Variants in NKAIN1 observed in about 807,000 individuals in gnomAD.
NKAIN1 encodes the protein sodium/potassium-transporting ATPase subunit beta-1-interacting protein 1.
NKAIN1 carries 13 observed loss-of-function variants against 31.6 expected under a neutral mutation model. The ratio of observed to expected loss-of-function variants is 0.41; its 90% CI spans 0.27 to 0.65. The LOEUF (loss-of-function observed/expected upper bound fraction) is 0.65, where lower values mean the gene tolerates loss of function less well. Among genes scored for constraint, NKAIN1 ranks in the 30% least tolerant of loss-of-function variants. NKAIN1 has a pLI of 0.30. For synonymous variants in NKAIN1, 104 were observed against 109.0 expected, an observed-to-expected ratio of 0.95 and a Z score of 0.28; for missense variants, 193 against 262.2, an observed-to-expected ratio of 0.74 and a Z score of 1.82.
chr1:31,197,285 G>T (rs1172966500), intron 1 of NKAIN1, among the ~76,000 whole-genome samples: 13 of 151,244 alleles, frequency 8.6e-5, no homozygotes, highest in Non-Finnish European at 1.6e-4. Context: ...CTAATTTTTT[G>T]TATTTTTAGT....
At chr1:31,234,409 C>G (rs1489674028) in intron 1 of NKAIN1, among the ~76,000 whole-genome samples, 1 of 152,102 alleles carries the variant, frequency 6.6e-6, no homozygotes, top group East Asian at 1.9e-4. Context: ...CCATGTTTCA[C>G]ACCATTACTC....
At chr1:31,215,814 G>T (rs746412836) in intron 1 of NKAIN1, among the ~76,000 whole-genome samples, 5 of 152,144 alleles carry the variant, frequency 3.3e-5, no homozygotes, top group African/African-American at 4.8e-5. Context: ...ATGCTAGAAG[G>T]GTTTCTCTTC....
chr1:31,220,531 G>A lies in NKAIN1; in HGVS notation c.54+18963C>T, dbSNP rs1645556217. Reference sequence around the variant, plus strand: ...GCACTTTGGGAAGCCGAGGCCAGTGGACTACCTGAGATCAGGAGTTTGAGA... The same window carrying A: ...GCACTTTGGGAAGCCGAGGCCAGTGAACTACCTGAGATCAGGAGTTTGAGA... On this transcript the variant is annotated intron_variant, in intron 1 of 6. Coordinates refer to ENST00000373736, the MANE Select transcript of NKAIN1 (RefSeq NM_024522.3). Among the ~76,000 whole-genome samples the A allele has an allele frequency of 2.0e-5, 3 of 151,968 alleles. No individual in the cohort carries two copies. The South Asian group carries it at 6.2e-4, about 32-fold the overall frequency.
At chr1:31,184,905 C>T (rs1645230802) in intron 3 of NKAIN1, among the ~76,000 whole-genome samples, 1 of 152,158 alleles carries the variant, frequency 6.6e-6, no homozygotes, top group South Asian at 2.1e-4. Flanking sequence ...ATGGCATTTT[C>T]ACCTCCCTTG....
At chr1:31,223,160 C>T (rs913302076) in intron 1 of NKAIN1, among the ~76,000 whole-genome samples, 11 of 151,882 alleles carry the variant, frequency 7.2e-5, no homozygotes, top group African/African-American at 2.7e-4. Context: ...GTGGATCACC[C>T]GAGGTCAGGA....
intron 1 of NKAIN1, among the ~76,000 whole-genome samples, chr1:31,229,383 C>T (rs1315814642): frequency 6.6e-6 from 1 of 151,868 alleles, no homozygotes; most frequent in African/African-American, 2.4e-5. Flanking sequence ...GCTACATGGG[C>T]ATCTGGGGTG....
rs1018463958 is a variant in NKAIN1 at position 31,233,313 on chromosome 1, C to T, written c.54+6181G>A. Among the ~76,000 whole-genome samples, 3 of 152,128 alleles carry T rather than the reference C, an allele frequency of 2.0e-5. No individual in the cohort carries two copies. Among genetic ancestry groups the T allele is most frequent in the African/African-American group, 7.2e-5 (3 of 41,412 alleles). ...GGGTGGGTAGAATGGGGAGAGGGGG[C>T]ATCTGTGTAAGCAGTTAGATCTGGC... On this transcript the variant is annotated intron_variant, in intron 1 of 6. Transcript: ENST00000373736. This position sits in a 1 kb window ranked among gnomAD's most constrained non-coding sequence, Gnocchi z 4.0.
At chr1:31,181,982 G>A (rs1488137773) in intron 5 of NKAIN1, 41 bp from the exon 6 acceptor site, 10 of 1,568,376 alleles carry the variant, frequency 6.4e-6, no homozygotes, top group Non-Finnish European at 1.7e-6. Flanking sequence ...TCGGCGGCGG[G>A]GGCGAGGAGA....
chr1:31,202,532 C>T (rs547242211), intron 1 of NKAIN1, among the ~76,000 whole-genome samples: 8 of 149,612 alleles, frequency 5.3e-5, no homozygotes, highest in Admixed American at 2.0e-4. Context: ...AAAAAACTAG[C>T]CGGGTGTGGT....
intron 1 of NKAIN1, among the ~76,000 whole-genome samples, chr1:31,208,632 G>A (rs1217340004): frequency 1.3e-5 from 1 of 78,718 alleles, no homozygotes. Flanking sequence ...CACATAGTGG[G>A]GGGAGGGGGC....
rs1049276980 is a variant in NKAIN1, at chr1:31,239,127, C to T, written c.54+367G>A. Among the ~76,000 whole-genome samples, 1 of 152,132 alleles carries T rather than the reference C, an allele frequency of 6.6e-6. No homozygotes were observed. The highest frequency in any genetic ancestry group is 2.4e-5 in the African/African-American group (1 of 41,442). The stretch of plus-strand genomic sequence containing the variant: ...AACGAGGGATCTAGAGGGAAACACA[C>T]AGCAGGACCTCAACGGATCCACAGA... On this transcript the variant is annotated intron_variant, in intron 1 of 6. Coordinates refer to ENST00000373736, the MANE Select transcript of NKAIN1 (RefSeq NM_024522.3). The surrounding 1 kb of genome is among the most constrained non-coding windows in gnomAD (Gnocchi z 4.8).
chr1:31,215,594 T>A (rs10914329), intron 1 of NKAIN1, among the ~76,000 whole-genome samples: 77,796 of 151,918 alleles, frequency 0.51, 21,361 homozygotes, highest in East Asian at 0.78. Context: ...CTGCTCTGAT[T>A]CCTGCAGCAC....
intron 1 of NKAIN1, among the ~76,000 whole-genome samples, chr1:31,192,739 A>T (rs1645295949): frequency 6.6e-6 from 1 of 151,936 alleles, no homozygotes; most frequent in African/African-American, 2.4e-5. Context: ...TTTGTAGAGA[A>T]CAGGGTCTCG....
Position 31,181,619 on chromosome 1 carries a change from G to A in NKAIN1, c.*84C>T, listed in dbSNP as rs1004824152. On this transcript the variant is annotated 3_prime_UTR_variant, in exon 7 of 7. Transcript: ENST00000373736. ...CTGCAGTGAGCGCGCGGGCCACCAGGGGGACACGCCTGCGCCTTGGCCCGA... is the reference window on the plus strand; with the variant it reads ...CTGCAGTGAGCGCGCGGGCCACCAGAGGGACACGCCTGCGCCTTGGCCCGA... The A allele has an allele frequency of 4.5e-6, 6 of 1,327,528 alleles. No individual in the cohort carries two copies. In the African/African-American group the frequency reaches 6.1e-5, roughly 13 times the overall value. The allele number at this position is 1,327,528 out of a possible 1,614,324, so 82.2% of individuals were successfully genotyped here.
At chr1:31,196,309 C>G (rs937823216) in intron 1 of NKAIN1, among the ~76,000 whole-genome samples, 1 of 151,866 alleles carries the variant, frequency 6.6e-6, no homozygotes, top group South Asian at 2.1e-4. Flanking sequence ...GTCAGGAGAT[C>G]GAGACCATCC....
chr1:31,193,909 A>G (rs1479381826), intron 1 of NKAIN1: 2 of 152,230 alleles, frequency 1.3e-5, no homozygotes, highest in African/African-American at 4.8e-5. Context: ...AGAAGGCAGG[A>G]ACTGTGCAGA....
At chr1:31,223,728 G>C (rs940919246) in intron 1 of NKAIN1, among the ~76,000 whole-genome samples, 1 of 152,168 alleles carries the variant, frequency 6.6e-6, no homozygotes, top group South Asian at 2.1e-4. Flanking sequence ...ACAGGCGTGA[G>C]CCACCACGCC....
At chr1:31,220,313 G>A (rs927086139) in intron 1 of NKAIN1, among the ~76,000 whole-genome samples, 1 of 151,560 alleles carries the variant, frequency 6.6e-6, no homozygotes, top group Non-Finnish European at 1.5e-5. Context: ...CACCACACCT[G>A]GCAACATTCA....
intron 1 of NKAIN1, among the ~76,000 whole-genome samples, chr1:31,226,668 G>A (rs890115377): frequency 3.9e-5 from 6 of 151,994 alleles, no homozygotes; most frequent in African/African-American, 9.7e-5. Flanking sequence ...GGGATTACAG[G>A]CGTGCACCAC....
Sources: gnomAD v4.1 joint callset for allele counts (sites outside exome capture counted in the v4.1 genomes callset) on GRCh38, gnomAD v4.1.1 for gene constraint, Gnocchi (gnomAD v3.1) non-coding constraint, MANE v1.5 for transcripts, NCBI Gene and HGNC (gene_info 2026-07-23, HGNC 2026-07-21) for gene names.